BBOF1: variants seen among roughly 807,000 people sequenced by gnomAD.
The protein encoded by BBOF1 is basal body-orientation factor 1.
Under a neutral mutation model 68.0 loss-of-function variants are expected in BBOF1, and 62 were observed. That is an observed-to-expected ratio of 0.91 (90% confidence interval 0.74 to 1.13). BBOF1 has a LOEUF of 1.13. BBOF1 is among the 50% of genes most tolerant of loss of function. The probability of loss-of-function intolerance (pLI) is 0.00; values close to 1 mark genes in which losing one functional copy is unlikely to be tolerated. For missense variants in BBOF1, 534 were observed against 600.1 expected (o/e 0.89, Z 1.15); for synonymous variants, 208 against 198.8 (o/e 1.05, Z -0.39).
intron 4 of BBOF1, among the ~76,000 whole-genome samples, chr14:74,035,203 A>C (rs573307964): frequency 6.6e-6 from 1 of 151,600 alleles, no homozygotes; most frequent in South Asian, 2.1e-4. Context: ...AAAATTATAT[A>C]AACAGTGGTG....
In BBOF1 at chr14:74,022,965, G is replaced by A; in HGVS notation, c.106G>A (p.Ala36Thr). The part of the protein sequence containing the change: ...ESVVDRAKAN[A>T]SLWEARLEVT... The stretch of plus-strand genomic sequence containing the variant: ...TGTGGTGGACAGAGCCAAGGCCAAT[G>A]CCTCCCTTTGGGAGGCCAGGTTGGA... Residue 36 changes from alanine (A) to threonine (T), a missense_variant, in exon 2 of 12, where the codon GCC becomes ACC. Physicochemically the swap from Ala to Thr is moderately conservative, Grantham distance 58. Transcript: ENST00000394009. 6.2e-7 allele frequency: 1 copy of A among 1,613,458 alleles called. No homozygotes were observed. Among genetic ancestry groups the A allele is most frequent in the South Asian group, 1.1e-5 (1 of 90,946 alleles).
chr14:74,043,332 T>A (rs951180339), intron 5 of BBOF1, among the ~76,000 whole-genome samples: 1 of 149,852 alleles, frequency 6.7e-6, no homozygotes, highest in Non-Finnish European at 1.5e-5. Flanking sequence ...GGGTGGATCA[T>A]GAGGTCAGGA....
rs75913650 is a variant in BBOF1 at position 74,048,180 on chromosome 14, A to T, written c.792+106A>T. On this transcript the variant is annotated intron_variant, in intron 7 of 11. Transcript: ENST00000394009. ...AATGATATATAAGGACAATGAGACC[A>T]TTTTCATCTGTCTGGATGATGCACT... is the stretch of plus-strand genomic sequence containing the variant. The T allele has an allele frequency of 8.0e-4, 836 of 1,050,106 alleles. 6 individuals carry two copies. In the African/African-American group the frequency reaches 0.012, roughly 15 times the overall value. 65.0% of individuals were successfully genotyped at this position (1,050,106 alleles called of 1,614,324 possible). A position where few individuals can be genotyped will look rare whatever the true frequency, so the allele number is the denominator to read the frequency against.
At chr14:74,033,551 C>T (rs2059625935) in intron 3 of BBOF1, among the ~76,000 whole-genome samples, 2 of 151,622 alleles carry the variant, frequency 1.3e-5, no homozygotes, top group Admixed American at 1.3e-4. Flanking sequence ...GCCTGAGCAA[C>T]AGAGTGAGAC....
At chr14:74,025,403 C>G (rs2059400503) in intron 2 of BBOF1, among the ~76,000 whole-genome samples, 1 of 152,138 alleles carries the variant, frequency 6.6e-6, no homozygotes, top group South Asian at 2.1e-4. Context: ...CATTAACTAG[C>G]TTTCCCATAG....
At chr14:74,067,455 C>T, downstream of BBOF1, 1 of 1,614,208 alleles carries the variant, frequency 6.2e-7, no homozygotes, top group Non-Finnish European at 8.5e-7. Flanking sequence ...ACAAGGACTG[C>T]TGTTGAAAGA....
intron 4 of BBOF1, 136 bp downstream of exon 4, chr14:74,034,307 A>G (rs1213800977): frequency 1.7e-6 from 1 of 583,310 alleles, no homozygotes; most frequent in Non-Finnish European, 2.7e-6. Flanking sequence ...TGAGAGAAAA[A>G]GGAGAAGACA....
intron 7 of BBOF1, among the ~76,000 whole-genome samples, chr14:74,049,102 G>A (rs2060012330): frequency 6.6e-6 from 1 of 152,066 alleles, no homozygotes; most frequent in Admixed American, 6.6e-5. Context: ...TCGAACTCCT[G>A]ACCTCAGGTG....
intron 8 of BBOF1, among the ~76,000 whole-genome samples, chr14:74,052,807 G>C (rs918739532): frequency 1.3e-5 from 2 of 151,756 alleles, no homozygotes; most frequent in Non-Finnish European, 2.9e-5. Flanking sequence ...GACCAGCCTG[G>C]GCAACACAGT....
chr14:74,043,252 T>TA (rs1276649743), intron 5 of BBOF1, among the ~76,000 whole-genome samples: 27 of 152,148 alleles, frequency 1.8e-4, no homozygotes, highest in African/African-American at 4.8e-4. Flanking sequence ...TATATATATA[T>TA]TTTTTAAGAC....
chr14:74,062,504 G>C (rs1595107888), intron 11 of BBOF1, among the ~76,000 whole-genome samples: 1 of 152,078 alleles, frequency 6.6e-6, no homozygotes, highest in East Asian at 1.9e-4. Context: ...GGGAGGCATA[G>C]ATACGAGAAT....
intron 1 of BBOF1, 122 bp downstream of exon 1, chr14:74,019,656 T>G (rs1259029157): frequency 1.4e-6 from 2 of 1,475,932 alleles, no homozygotes; most frequent in African/African-American, 2.8e-5. Context: ...CTCTCCCGGC[T>G]TGTGAGGATT....
chr14:74,062,383 C>T (rs947585616), intron 11 of BBOF1, among the ~76,000 whole-genome samples: 5 of 152,024 alleles, frequency 3.3e-5, no homozygotes, highest in African/African-American at 7.2e-5. Flanking sequence ...AGGCAGATCA[C>T]CTGAGGTAAG....
intron 5 of BBOF1, among the ~76,000 whole-genome samples, chr14:74,041,678 C>A (rs2059827806): frequency 6.6e-6 from 1 of 152,110 alleles, no homozygotes; most frequent in African/African-American, 2.4e-5. Context: ...ACCTCAGCCT[C>A]CTAAGTAGTT....
rs1456495520 is a variant in BBOF1 at position 74,081,323 on chromosome 14, G to C, written n.1639+49G>C. The C allele has an allele frequency of 2.6e-5, 4 of 152,108 alleles. No individual in the cohort carries two copies. The South Asian group carries it at 8.3e-4, about 31-fold the overall frequency. 9.4% of individuals were successfully genotyped at this position (152,108 alleles called of 1,614,324 possible). A position where few individuals can be genotyped will look rare whatever the true frequency, so the allele number is the denominator to read the frequency against. ...TTGCACAATGAAAGAATGAGTACTC[G>C]CCAAGCAATCATTTGATATTGTTTC... On this transcript the variant is annotated intron_variant and non_coding_transcript_variant, in intron 12 of 12. Transcript: ENST00000492026.
intron 5 of BBOF1, among the ~76,000 whole-genome samples, chr14:74,043,949 T>G (rs1013196106): frequency 6.6e-6 from 1 of 151,536 alleles, no homozygotes; most frequent in Non-Finnish European, 1.5e-5. Context: ...TTTCCTAAAC[T>G]CCAATCTAAA....
At chr14:74,026,687 G>A (rs2059436306) in intron 2 of BBOF1, among the ~76,000 whole-genome samples, 1 of 152,002 alleles carries the variant, frequency 6.6e-6, no homozygotes, top group South Asian at 2.1e-4. Flanking sequence ...AACTTTGGGA[G>A]GCCGAGGTGG....
chr14:74,074,894 G>GATACCCAAAACT, intron 9 of BBOF1: 1 of 1,528,776 alleles, frequency 6.5e-7, no homozygotes, highest in Non-Finnish European at 9.1e-7. Context: ...AGAAGATAGA[G>GATACCCAAAACT]ATACCCAAAA....
intron 8 of BBOF1, among the ~76,000 whole-genome samples, chr14:74,051,405 C>T (rs2139633063): frequency 6.6e-6 from 1 of 151,506 alleles, no homozygotes; most frequent in South Asian, 2.1e-4. Flanking sequence ...AGAGTGAGAC[C>T]CTGTTTCAAA....
Sources: gnomAD v4.1 joint callset for allele counts (sites outside exome capture counted in the v4.1 genomes callset) on GRCh38, gnomAD v4.1.1 for gene constraint, MANE v1.5 for transcripts, NCBI Gene and HGNC (gene_info 2026-07-23, HGNC 2026-07-21) for gene names.